The following FAM81B variants were observed in gnomAD, a reference collection of about 807,000 sequenced individuals.
The protein encoded by FAM81B is protein FAM81B.
In FAM81B, 60 loss-of-function variants were observed where a neutral mutation model predicts 58.7. The observed-to-expected ratio is 1.02, with a 90% CI of 0.83 to 1.27. The LOEUF is 1.27. FAM81B is among the 50% of genes most tolerant of loss of function. FAM81B has a pLI of 0.00. For missense variants in FAM81B, 491 were observed against 522.0 expected (o/e 0.94, Z 0.58); for synonymous variants, 189 against 179.6 (o/e 1.05, Z -0.42).
At chr5:95,397,054 A>C (rs757617604) in intron 3 of FAM81B, 5 of 152,256 alleles carry the variant, frequency 3.3e-5, no homozygotes, top group Non-Finnish European at 5.9e-5. Flanking sequence ...ATACACCTTG[A>C]ACTTCGATTT....
chr5:95,428,844 C>A, intron 6 of FAM81B, 112 bp downstream of exon 6: 3 of 1,429,888 alleles, frequency 2.1e-6, no homozygotes, highest in Non-Finnish European at 2.9e-6. Flanking sequence ...CTCTTTTCTT[C>A]CAAAGGGTGT....
intron 4 of FAM81B, among the ~76,000 whole-genome samples, chr5:95,419,057 A>T (rs1309138477): frequency 6.6e-6 from 1 of 152,198 alleles, no homozygotes; most frequent in East Asian, 1.9e-4. Flanking sequence ...ATATTTTAGC[A>T]TATAGTAGAG....
intron 3 of FAM81B, among the ~76,000 whole-genome samples, chr5:95,407,005 C>A (rs921988245): frequency 3.9e-5 from 6 of 152,088 alleles, no homozygotes; most frequent in South Asian, 2.1e-4. Context: ...GAAGACCCAG[C>A]CAGAGCCAAG....
intron 4 of FAM81B, among the ~76,000 whole-genome samples, chr5:95,419,860 T>A (rs1762631399): frequency 6.6e-6 from 1 of 152,248 alleles, no homozygotes; most frequent in Non-Finnish European, 1.5e-5. Flanking sequence ...TCCAAACTTA[T>A]GGCACCAATT....
rs574615318 is a variant in FAM81B, at chr5:95,446,352, G to A, written c.894-210G>A. On this transcript the variant is annotated intron_variant, in intron 7 of 9. Coordinates refer to ENST00000283357, the MANE Select transcript of FAM81B (RefSeq NM_152548.3). The stretch of plus-strand genomic sequence containing the variant: ...GTGTTTGTATTTTAGGGTATGTAGA[G>A]GGGGTGTTAACAGTAGCTGGACTGA... Among the ~76,000 whole-genome samples the A allele has an allele frequency of 9.9e-5, 15 of 152,246 alleles. No individual in the cohort carries two copies. The South Asian group carries it at 2.9e-3, about 29-fold the overall frequency.
chr5:95,412,690 A>T (rs1762436129), intron 3 of FAM81B, among the ~76,000 whole-genome samples: 1 of 152,184 alleles, frequency 6.6e-6, no homozygotes, highest in Admixed American at 6.5e-5. Context: ...GGATTCTACT[A>T]AAATCCATTT....
intron 3 of FAM81B, among the ~76,000 whole-genome samples, chr5:95,411,094 AT>A (rs1349842847): frequency 1.3e-5 from 2 of 152,220 alleles, no homozygotes; most frequent in African/African-American, 4.8e-5. Context: ...ATGTTCATGT[AT>A]AAAAAATGTG....
rs757736145 is a variant in FAM81B at position 95,446,699 on chromosome 5, TGAG to T, written c.1029+6_1029+8del. The T allele has an allele frequency of 6.2e-7, 1 of 1,610,480 alleles. No individual in the cohort carries two copies. Among genetic ancestry groups the T allele is most frequent in the Admixed American group, 1.7e-5 (1 of 59,236 alleles). On this transcript the variant is annotated splice_donor_5th_base_variant and intron_variant, in intron 8 of 9. Transcript: ENST00000283357. ...CTGAAGGTCCTACAGGAGAAACTGGTGAGGAGTTCTGTTATTTTGTGAAGCAAG... is the reference window on the plus strand; with the variant it reads ...CTGAAGGTCCTACAGGAGAAACTGGTGAGTTCTGTTATTTTGTGAAGCAAG...
At chr5:95,447,362 C>T (rs774990395) in intron 8 of FAM81B, among the ~76,000 whole-genome samples, 1 of 152,154 alleles carries the variant, frequency 6.6e-6, no homozygotes, top group Admixed American at 6.5e-5. Context: ...AATAATGTCC[C>T]CAGCTCCAGC....
intron 7 of FAM81B, among the ~76,000 whole-genome samples, chr5:95,438,047 A>T (rs1745174660): frequency 6.6e-6 from 1 of 152,200 alleles, no homozygotes; most frequent in Non-Finnish European, 1.5e-5. Context: ...CATGAAGCTA[A>T]CAATTAAACC....
rs908128140 is a variant in FAM81B at position 95,420,496 on chromosome 5, T to C, written c.656+94T>C. 109 of 1,537,836 alleles carry C rather than the reference T, an allele frequency of 7.1e-5. No homozygotes were observed. The African/African-American group carries it at 1.3e-3, about 18-fold the overall frequency. ...AGCTCCATGCTGTGGAAAAAAGATA[T>C]TGTCTACACATTAAGCTAAACTAAT... On this transcript the variant is annotated intron_variant, in intron 5 of 9. Transcript: ENST00000283357.
intron 6 of FAM81B, among the ~76,000 whole-genome samples, chr5:95,429,729 C>A (rs1375992670): frequency 6.6e-6 from 1 of 152,176 alleles, no homozygotes; most frequent in African/African-American, 2.4e-5. Flanking sequence ...AAGTCTTGAG[C>A]AGAAATTCCA....
intron 1 of FAM81B, 23 bp downstream of exon 1, chr5:95,391,536 C>A (rs1761816357): frequency 1.3e-6 from 2 of 1,581,424 alleles, no homozygotes; most frequent in Non-Finnish European, 1.7e-6. Flanking sequence ...TATTCGAGGT[C>A]TCTAAATTTC....
chr5:95,450,255 C>T lies in FAM81B; in HGVS notation c.1332C>T (p.Arg444=), dbSNP rs957538987. 8 of 1,612,836 alleles carry T rather than the reference C, an allele frequency of 5.0e-6. No homozygotes were observed. The African/African-American group carries it at 9.4e-5, about 19-fold the overall frequency. ...AGAAAGACCTAAAGAAATTACAGCG[C>T]AAGATAGTGGAACTCCAGGAAGTAT... ...KVQKDLKKLQ[R]KIVELQEV Residue 444 remains arginine (R), a synonymous_variant, in exon 10 of 10, where the codon CGC becomes CGT. Transcript: ENST00000283357.
At chr5:95,396,063 C>T (rs762844973) in intron 2 of FAM81B, 48 bp from the exon 3 acceptor site, 2 of 1,412,552 alleles carry the variant, frequency 1.4e-6, no homozygotes, top group East Asian at 4.6e-5. Context: ...TAGAAGTAAT[C>T]TGTAAAGAAG....
At chr5:95,447,948 G>A (rs1270054605) in intron 8 of FAM81B, among the ~76,000 whole-genome samples, 2 of 152,156 alleles carry the variant, frequency 1.3e-5, no homozygotes, top group African/African-American at 4.8e-5. Flanking sequence ...ATGAAATTGA[G>A]GGAGTATGTC....
chr5:95,427,598 T>C (rs1057406878), intron 5 of FAM81B, among the ~76,000 whole-genome samples: 2 of 152,232 alleles, frequency 1.3e-5, no homozygotes, highest in African/African-American at 4.8e-5. Context: ...CTAAAAATGT[T>C]GACATCATAA....
At chr5:95,434,743 T>C (rs569306455) in intron 6 of FAM81B, among the ~76,000 whole-genome samples, 1 of 152,372 alleles carries the variant, frequency 6.6e-6, no homozygotes, top group South Asian at 2.1e-4. Flanking sequence ...TTATTCTTTC[T>C]TGTATAATTA....
chr5:95,423,062 G>A (rs1219199777), intron 5 of FAM81B, among the ~76,000 whole-genome samples: 2 of 152,156 alleles, frequency 1.3e-5, no homozygotes, highest in Non-Finnish European at 2.9e-5. Context: ...CCAGGCAAAT[G>A]ACTAATGTAC....
Sources: gnomAD v4.1 joint callset for allele counts (sites outside exome capture counted in the v4.1 genomes callset) on GRCh38, gnomAD v4.1.1 for gene constraint, MANE v1.5 for transcripts, NCBI Gene and HGNC (gene_info 2026-07-23, HGNC 2026-07-21) for gene names.